Variants in LY75 observed in about 807,000 individuals in gnomAD.
The protein encoded by LY75 is C-type lectin domain family 13 member B.
Under a neutral mutation model 231.7 loss-of-function variants are expected in LY75, and 185 were observed. That is an observed-to-expected ratio of 0.80 (90% CI 0.71 to 0.90). The LOEUF (loss-of-function observed/expected upper bound fraction) is 0.90, where lower values mean the gene tolerates loss of function less well. Among genes scored for constraint, LY75 ranks in the 40% least tolerant of loss-of-function variants. The pLI, the probability that LY75 is intolerant of heterozygous loss-of-function variation, is 0.00. For missense variants in LY75, 1,947 were observed against 2,050.2 expected, an observed-to-expected ratio of 0.95 and a Z score of 0.97; for synonymous variants, 668 against 689.0, an observed-to-expected ratio of 0.97 and a Z score of 0.48.
chr2:159,821,975 G>A (rs559603019), intron 28 of LY75, among the ~76,000 whole-genome samples: 2 of 152,304 alleles, frequency 1.3e-5, no homozygotes, highest in East Asian at 1.9e-4. Flanking sequence ...AGCCATGAGG[G>A]ACTGAGCCTG....
In LY75 at chr2:159,890,432, A is replaced by G. The variant is rs935204543; in HGVS notation, c.638-55T>C. ...AAGTAAGGACATAATGTTTTCTATT[A>G]CTTAGAATGCTTAGAAATACTGCAA... On this transcript the variant is annotated intron_variant, in intron 3 of 34. Transcript: ENST00000263636. 5.0e-6 allele frequency: 8 copies of G among 1,602,322 alleles called. No homozygotes were observed. The African/African-American group carries it at 1.1e-4, about 22-fold the overall frequency.
chr2:159,824,587 T>C (rs941800359), intron 28 of LY75, among the ~76,000 whole-genome samples: 10 of 152,166 alleles, frequency 6.6e-5, no homozygotes, highest in African/African-American at 2.4e-4. Context: ...TATTCAGGAC[T>C]TGAACTCAGC....
chr2:159,816,870 A>AGCTG lies in LY75; in HGVS notation c.4312_4315dup (p.Leu1439ProfsTer11). 1 of 1,614,220 alleles carries AGCTG rather than the reference A, an allele frequency of 6.2e-7. No homozygotes were observed. Among genetic ancestry groups the AGCTG allele is most frequent in the Non-Finnish European group, 8.5e-7 (1 of 1,180,040 alleles). ...ACGTTTTACAATATCTTCCAGAAAG[A>AGCTG]GCTGGCCATTTTGGTTGTGAACGCT... is the stretch of plus-strand genomic sequence containing the variant. On this transcript the variant is annotated frameshift_variant, in exon 30 of 35. Transcript: ENST00000263636. LOFTEE classifies it high-confidence loss of function.
At chr2:159,834,306 G>A in intron 26 of LY75, 95 bp from the exon 27 acceptor site, 10 of 1,486,718 alleles carry the variant, frequency 6.7e-6, no homozygotes, top group Non-Finnish European at 8.2e-6. Context: ...AAATATTCAG[G>A]AAGCCGAGAA....
At chr2:159,876,519 T>C (rs965302633) in intron 11 of LY75, among the ~76,000 whole-genome samples, 1 of 152,124 alleles carries the variant, frequency 6.6e-6, no homozygotes, top group African/African-American at 2.4e-5. Flanking sequence ...TTTTCCCTGT[T>C]CAGTCCTTCT....
chr2:159,886,392 G>A lies in LY75; in HGVS notation c.913+28C>T, dbSNP rs2271382. The A allele has an allele frequency of 7.2e-4, 1,152 of 1,595,940 alleles. 29 individuals are homozygous for A. The East Asian group carries it at 0.024, about 33-fold the overall frequency. On this transcript the variant is annotated intron_variant, in intron 5 of 34. Coordinates refer to ENST00000263636, the MANE Select transcript of LY75 (RefSeq NM_002349.4). ...TTGCTTTTTTGAAGATTTGTTCTGT[G>A]CAGAGGGGGTAGGGAAAGAGCAGTT... is the stretch of plus-strand genomic sequence containing the variant.
At position 159,817,002 on chromosome 2, in the gene LY75, A is replaced by G. The variant is rs376249829; in HGVS notation, c.4184T>C (p.Leu1395Pro). The G allele has an allele frequency of 4.3e-6, 7 of 1,613,794 alleles. No homozygotes were observed. Among genetic ancestry groups the G allele is most frequent in the Non-Finnish European group, 5.9e-6 (7 of 1,179,862 alleles). ...VDYKEEYNTTLPQFMPYEDGI... is the reference protein window; with the variant it reads ...VDYKEEYNTTPPQFMPYEDGI... ...ATCTTCATATGGCATAAACTGTGGC[A>G]GTGTAGTATTATATTCTTCTTTGTA... Residue 1395 changes from leucine to proline, a missense_variant, in exon 30 of 35, where the codon CTG (leucine) becomes CCG (proline). Physicochemically the swap from Leu to Pro is moderately conservative, Grantham distance 98. Transcript: ENST00000263636.
At chr2:159,855,117 C>G (rs1053934954) in intron 16 of LY75, among the ~76,000 whole-genome samples, 178 bp from the exon 17 acceptor site, 13 of 152,288 alleles carry the variant, frequency 8.5e-5, no homozygotes, top group Middle Eastern at 3.4e-3. Flanking sequence ...CGATGCTAAA[C>G]CTGCTTCAGG....
chr2:159,825,583 A>G (rs1304364619), intron 28 of LY75, among the ~76,000 whole-genome samples: 1 of 152,228 alleles, frequency 6.6e-6, no homozygotes, highest in Non-Finnish European at 1.5e-5. Flanking sequence ...ATAGAAAAAG[A>G]GGGACTCCTC....
chr2:159,893,989 C>T lies in LY75; in HGVS notation c.562G>A (p.Asp188Asn). ...TWHHDCILDE[D>N]HSGPWCATTL... ...GTGGCACACCATGGCCCACTATGATCTTCATCAAGAATGCAATCATGATGC... is the reference window on the plus strand; with the variant it reads ...GTGGCACACCATGGCCCACTATGATTTTCATCAAGAATGCAATCATGATGC... Residue 188 changes from aspartate (D) to asparagine (N), a missense_variant, in exon 3 of 35, where the codon GAT becomes AAT. Physicochemically the swap from Asp to Asn is conservative, Grantham distance 23. Transcript: ENST00000263636. 6.2e-7 allele frequency: 1 copy of T among 1,613,902 alleles called. No individual in the cohort carries two copies. Among genetic ancestry groups the T allele is most frequent in the Non-Finnish European group, 8.5e-7 (1 of 1,179,874 alleles).
At chr2:159,859,822 A>G (rs1402197961) in intron 15 of LY75, among the ~76,000 whole-genome samples, 1 of 152,210 alleles carries the variant, frequency 6.6e-6, no homozygotes, top group African/African-American at 2.4e-5. Flanking sequence ...GACATATGTG[A>G]CATGCCTAGT....
At chr2:159,857,803 C>G (rs4665125) in intron 16 of LY75, among the ~76,000 whole-genome samples, 61,202 of 152,010 alleles carry the variant, frequency 0.4, 13,077 homozygotes, top group South Asian at 0.67. Context: ...TTCATGTTTT[C>G]CTGGAAAAAG....
intron 28 of LY75, among the ~76,000 whole-genome samples, chr2:159,822,424 A>G (rs1683326702): frequency 6.6e-6 from 1 of 152,176 alleles, no homozygotes; most frequent in African/African-American, 2.4e-5. Context: ...AGCTGCTGGG[A>G]AGTTTGAACT....
intron 2 of LY75, among the ~76,000 whole-genome samples, chr2:159,894,947 A>G (rs561969835): frequency 6.6e-6 from 1 of 152,326 alleles, no homozygotes; most frequent in South Asian, 2.1e-4. Context: ...CCCTGTCACA[A>G]TTTGCCAAAA....
intron 29 of LY75, among the ~76,000 whole-genome samples, chr2:159,818,988 G>A (rs1327749101): frequency 4.6e-5 from 7 of 152,166 alleles, no homozygotes; most frequent in Non-Finnish European, 1.0e-4. Context: ...AGAAACTGGG[G>A]ATAGAGACTA....
intron 10 of LY75, 29 bp from the exon 11 acceptor site, chr2:159,878,522 G>A (rs369425348): frequency 6.2e-7 from 1 of 1,613,082 alleles, no homozygotes; most frequent in Non-Finnish European, 8.5e-7. Flanking sequence ...ATTGGCAAGT[G>A]TTTCACAATG....
intron 12 of LY75, 125 bp downstream of exon 12, chr2:159,875,319 G>C: frequency 1.5e-6 from 2 of 1,331,720 alleles, no homozygotes; most frequent in Non-Finnish European, 2.0e-6. Flanking sequence ...CAAGGACTCT[G>C]TGCTCCAGAG....
chr2:159,850,512 A>G (rs1684352798), intron 21 of LY75, 45 bp from the exon 22 acceptor site: 2 of 1,609,828 alleles, frequency 1.2e-6, no homozygotes, highest in African/African-American at 2.7e-5. Flanking sequence ...CAGACACAGG[A>G]ACGCTCACAT....
intron 4 of LY75, among the ~76,000 whole-genome samples, chr2:159,888,191 G>C (rs1040555857): frequency 6.6e-6 from 1 of 152,166 alleles, no homozygotes; most frequent in Non-Finnish European, 1.5e-5. Context: ...ATGATAAAAA[G>C]AGATAAAGAT....
Sources: gnomAD v4.1 joint callset for allele counts (sites outside exome capture counted in the v4.1 genomes callset) on GRCh38, gnomAD v4.1.1 for gene constraint, MANE v1.5 for transcripts, NCBI Gene and HGNC (gene_info 2026-07-23, HGNC 2026-07-21) for gene names.